NFATC1: variants seen among roughly 807,000 people sequenced by gnomAD.
NFATC1 encodes nuclear factor of activated T cells 1.
In NFATC1, 22 loss-of-function variants were observed where a neutral mutation model predicts 76.0. That is an observed-to-expected ratio of 0.29 (90% CI 0.21 to 0.41). The LOEUF is 0.41. Among genes scored for constraint, NFATC1 ranks in the 10% least tolerant of loss-of-function variants. The pLI, the probability that NFATC1 is intolerant of heterozygous loss-of-function variation, is 1.00. For synonymous variants in NFATC1, 704 were observed against 613.1 expected, an observed-to-expected ratio of 1.15 and a Z score of -2.19; for missense variants, 1,357 against 1,337.7, an observed-to-expected ratio of 1.01 and a Z score of -0.23.
intron 3 of NFATC1, among the ~76,000 whole-genome samples, chr18:79,447,309 G>T (rs542069383): frequency 6.6e-6 from 1 of 152,194 alleles, no homozygotes; most frequent in Non-Finnish European, 1.5e-5. Flanking sequence ...CCCTCGCCTC[G>T]CTGGCCCTGA....
rs1281861756 is a variant in NFATC1 at position 79,527,341 on chromosome 18, G to C, written c.2783-187G>C. 5 of 574,132 alleles carry C rather than the reference G, an allele frequency of 8.7e-6. No homozygotes were observed. The East Asian group carries it at 1.4e-4, about 17-fold the overall frequency. The allele number at this position is 574,132 out of a possible 1,614,324, so 35.6% of individuals were successfully genotyped here. On this transcript the variant is annotated intron_variant, in intron 9 of 9. Transcript: ENST00000427363. ...GTCACTCTGGCGACCCCAGCTCTCT[G>C]CCGAGGCAGCCAGGCACTGGCTCAC...
chr18:79,436,515 T>TCCGCGTCCTCCCGC (rs1568959763), intron 3 of NFATC1, among the ~76,000 whole-genome samples: 5 of 151,058 alleles, frequency 3.3e-5, no homozygotes, highest in Admixed American at 3.3e-4. Context: ...CCGCGCCCGG[T>TCCGCGTCCTCCCGC]ATCCCCGTCC....
At chr18:79,457,081 C>A (rs551757916) in intron 6 of NFATC1, among the ~76,000 whole-genome samples, 71 of 152,354 alleles carry the variant, frequency 4.7e-4, no homozygotes, top group Admixed American at 7.2e-4. Context: ...TGAGTGTGGA[C>A]AGACATCACT....
intron 9 of NFATC1, among the ~76,000 whole-genome samples, chr18:79,492,395 T>G (rs1223167581): frequency 6.6e-6 from 1 of 152,116 alleles, no homozygotes; most frequent in Non-Finnish European, 1.5e-5. Flanking sequence ...GAACCCCATC[T>G]CTACTAAAAA....
rs781552559 is a variant in NFATC1 at position 79,410,558 on chromosome 18, G to C, written c.283G>C (p.Gly95Arg). 6.2e-7 allele frequency: 1 copy of C among 1,611,640 alleles called. No individual in the cohort carries two copies. Among genetic ancestry groups the C allele is most frequent in the East Asian group, 2.2e-5 (1 of 44,874 alleles). Residue 95 changes from glycine to arginine, a missense_variant, in exon 2 of 10, where the codon GGT becomes CGT. Coordinates refer to ENST00000427363, the MANE Select transcript of NFATC1 (RefSeq NM_001278669.2). The surrounding 1 kb of genome is among the most constrained non-coding windows in gnomAD (Gnocchi z 6.7). ...CTCGGGGTACGGAGCAGCTTTGGAC[G>C]GTGGGCCCGCGGGCTACTTCCTCTC... ...HPSGYGAALD[G>R]GPAGYFLSSG... is the part of the protein sequence containing the mutation.
At chr18:79,493,970 C>T (rs1272725271) in intron 9 of NFATC1, 1 of 152,262 alleles carries the variant, frequency 6.6e-6, no homozygotes, top group East Asian at 1.9e-4. Flanking sequence ...AGAGGCAGCT[C>T]CCCAACGCCA....
rs767725943 is a variant in NFATC1 at position 79,410,724 on chromosome 18, G to C, written c.449G>C (p.Arg150Pro). The C allele has an allele frequency of 3.7e-6, 6 of 1,612,988 alleles. No homozygotes were observed. The highest frequency in any genetic ancestry group is 5.1e-6 in the Non-Finnish European group (6 of 1,179,994). ...EVEDVLPSSKRSPSTATLSLP... is the reference protein window; with the variant it reads ...EVEDVLPSSKPSPSTATLSLP... ...GAAGACGTCCTCCCTAGCTCCAAAC[G>C]GTCCCCCTCCACGGCCACGCTGAGT... The change falls in exon 2 of 10, where the codon CGG (arginine) becomes CCG (proline). Residue 150 changes from arginine (R) to proline (P), a missense_variant. Coordinates refer to ENST00000427363, the MANE Select transcript of NFATC1 (RefSeq NM_001278669.2). This position sits in a 1 kb window ranked among gnomAD's most constrained non-coding sequence, Gnocchi z 6.7.
chr18:79,521,010 C>G, intron 9 of NFATC1, among the ~76,000 whole-genome samples: 2 of 60,978 alleles, frequency 3.3e-5, no homozygotes, highest in Non-Finnish European at 3.0e-5. Flanking sequence ...TGGGGGGGGG[C>G]ATCCACTGAT....
chr18:79,437,838 G>A (rs1403546128), intron 3 of NFATC1, among the ~76,000 whole-genome samples: 1 of 152,210 alleles, frequency 6.6e-6, no homozygotes, highest in African/African-American at 2.4e-5. Flanking sequence ...TTTTCTCCTT[G>A]TCTCACCTCC....
At chr18:79,424,465 G>GTC (rs759006601) in intron 2 of NFATC1, among the ~76,000 whole-genome samples, 131 of 145,140 alleles carry the variant, frequency 9.0e-4, no homozygotes, top group East Asian at 2.4e-3. Context: ...TGCGCTGATC[G>GTC]TCTCTCTCTC....
At chr18:79,460,653 T>G (rs1322805392) in intron 6 of NFATC1, among the ~76,000 whole-genome samples, 1 of 152,222 alleles carries the variant, frequency 6.6e-6, no homozygotes, top group Non-Finnish European at 1.5e-5. Flanking sequence ...GGCAAGAAGT[T>G]GTCAGAGGAA....
At chr18:79,403,406 G>T (rs1226401158) in intron 1 of NFATC1, among the ~76,000 whole-genome samples, 1 of 152,252 alleles carries the variant, frequency 6.6e-6, no homozygotes, top group Non-Finnish European at 1.5e-5. Context: ...GCTTCTGGCT[G>T]TGTCCACCCA....
chr18:79,494,341 G>A (rs1407112605), intron 9 of NFATC1, among the ~76,000 whole-genome samples: 26 of 127,938 alleles, frequency 2.0e-4, no homozygotes, highest in African/African-American at 7.2e-4. Flanking sequence ...GGGGGAAGGC[G>A]AGAGCGGGCA....
At chr18:79,456,133 T>TAGCTGGC (rs935156272) in intron 6 of NFATC1, among the ~76,000 whole-genome samples, 1 of 152,192 alleles carries the variant, frequency 6.6e-6, no homozygotes, top group African/African-American at 2.4e-5. Context: ...CCACAGAGCT[T>TAGCTGGC]AGCTGGCAGC....
At chr18:79,433,960 T>A (rs2086686547) in intron 3 of NFATC1, among the ~76,000 whole-genome samples, 1 of 152,240 alleles carries the variant, frequency 6.6e-6, no homozygotes, top group Non-Finnish European at 1.5e-5. Flanking sequence ...TGTTTTCAGA[T>A]TTGCCCGAAG....
At chr18:79,492,695 C>T (rs1456786531) in intron 9 of NFATC1, among the ~76,000 whole-genome samples, 7 of 144,972 alleles carry the variant, frequency 4.8e-5, no homozygotes, top group Non-Finnish European at 1.5e-5. Context: ...GGTGACAGAG[C>T]GAGACTCCAT....
chr18:79,429,457 T>C (rs1248964533), intron 2 of NFATC1, among the ~76,000 whole-genome samples: 1 of 152,126 alleles, frequency 6.6e-6, no homozygotes, highest in Non-Finnish European at 1.5e-5. Flanking sequence ...GTTGGAATTA[T>C]CTCAGTCCTG....
At chr18:79,450,862 C>T (rs915393384) in intron 4 of NFATC1, 92 bp from the exon 5 acceptor site, 139 of 1,482,516 alleles carry the variant, frequency 9.4e-5, no homozygotes, top group Non-Finnish European at 1.1e-4. Context: ...GCTCGTGGGG[C>T]TGGGATGAGG....
rs1164920262 is a variant in NFATC1, at chr18:79,465,547, T to C, written c.1960-1903T>C. Among the ~76,000 whole-genome samples, 1 of 150,562 alleles carries C rather than the reference T, an allele frequency of 6.6e-6. No homozygotes were observed. The highest frequency in any genetic ancestry group is 2.0e-4 in the East Asian group (1 of 5,108). On this transcript the variant is annotated intron_variant, in intron 7 of 9. Transcript: ENST00000427363. This position sits in a 1 kb window ranked among gnomAD's most constrained non-coding sequence, Gnocchi z 4.2. ...CACCCATCCAGCCTGTCCCACAGGG[T>C]CCCCGCCTCCACCCCAGCCTGTCCC...
Sources: gnomAD v4.1 joint callset for allele counts (sites outside exome capture counted in the v4.1 genomes callset) on GRCh38, gnomAD v4.1.1 for gene constraint, Gnocchi (gnomAD v3.1) non-coding constraint, MANE v1.5 for transcripts, NCBI Gene and HGNC (gene_info 2026-07-23, HGNC 2026-07-21) for gene names.